The following USO1 variants were observed in gnomAD, a reference collection of about 807,000 sequenced individuals.
The protein encoded by USO1 is USO1 vesicle transport factor.
USO1 carries 57 observed loss-of-function variants against 124.5 expected under a neutral mutation model. The observed-to-expected ratio is 0.46, with a 90% CI of 0.37 to 0.57. The LOEUF is 0.57. Ranked by LOEUF, USO1 falls within the 20% of genes least tolerant of loss-of-function variation. The pLI is 0.00. For synonymous variants in USO1, 369 were observed against 362.8 expected, an observed-to-expected ratio of 1.02 and a Z score of -0.19; for missense variants, 900 against 1,040.6, an observed-to-expected ratio of 0.86 and a Z score of 1.86.
At chr4:75,779,407 C>T (rs1000644774) in intron 8 of USO1, among the ~76,000 whole-genome samples, 11 of 152,178 alleles carry the variant, frequency 7.2e-5, no homozygotes, top group African/African-American at 2.7e-4. Context: ...AGGCCAAAAG[C>T]TAGGCCCAAT....
intron 3 of USO1, among the ~76,000 whole-genome samples, 200 bp from the exon 4 acceptor site, chr4:75,757,297 T>G (rs1721475657): frequency 6.6e-6 from 1 of 152,158 alleles, no homozygotes; most frequent in Non-Finnish European, 1.5e-5. Flanking sequence ...TGTGTTTTTT[T>G]ATTATTGAGC....
chr4:75,746,738 A>G (rs1366524816), intron 1 of USO1, among the ~76,000 whole-genome samples: 2 of 152,352 alleles, frequency 1.3e-5, no homozygotes, highest in Admixed American at 6.5e-5. Context: ...CAAGGTAGCA[A>G]AAGTATAAGT....
chr4:75,731,561 C>CAAGAAA (rs1720632362), intron 1 of USO1, among the ~76,000 whole-genome samples: 1 of 138,184 alleles, frequency 7.2e-6, no homozygotes. Flanking sequence ...GACTCCGTCT[C>CAAGAAA]AAAAAAAAAA....
At chr4:75,778,115 G>A (rs1333340976) in intron 8 of USO1, among the ~76,000 whole-genome samples, 1 of 152,114 alleles carries the variant, frequency 6.6e-6, no homozygotes, top group Non-Finnish European at 1.5e-5. Context: ...TCCAACTATA[G>A]TTGACCTTTG....
At chr4:75,750,735 G>A (rs1374316674) in intron 1 of USO1, among the ~76,000 whole-genome samples, 3 of 74,760 alleles carry the variant, frequency 4.0e-5, no homozygotes, top group Non-Finnish European at 6.7e-5. Flanking sequence ...CACCCACCTC[G>A]ACCTCCCAAA....
Position 75,813,352 on chromosome 4 carries a change from A to G in USO1, c.*57A>G. The G allele has an allele frequency of 6.9e-7, 1 of 1,459,196 alleles. No individual in the cohort carries two copies. Among genetic ancestry groups the G allele is most frequent in the Non-Finnish European group, 9.1e-7 (1 of 1,103,906 alleles). 90.4% of individuals were successfully genotyped at this position (1,459,196 alleles called of 1,614,324 possible). On this transcript the variant is annotated 3_prime_UTR_variant, in exon 24 of 24. Coordinates refer to ENST00000514213, the MANE Select transcript of USO1 (RefSeq NM_003715.4). Reference sequence around the variant, plus strand: ...ATCATAACTCTGAAGATGGACTCTAAACTTTGGTTTACCTCCATGGAAAAT... The same window carrying G: ...ATCATAACTCTGAAGATGGACTCTAGACTTTGGTTTACCTCCATGGAAAAT...
chr4:75,771,243 G>C, intron 7 of USO1, 106 bp downstream of exon 7: 1 of 1,277,666 alleles, frequency 7.8e-7, no homozygotes. Context: ...GAAAGCTGGA[G>C]TAATGACCTT....
intron 1 of USO1, among the ~76,000 whole-genome samples, chr4:75,747,970 C>T (rs1416136125): frequency 3.0e-5 from 4 of 133,316 alleles, no homozygotes; most frequent in Non-Finnish European, 6.1e-5. Context: ...TGCAATGGTG[C>T]GATCTCGGCT....
intron 3 of USO1, chr4:75,755,488 A>T (rs751622466): frequency 1.9e-6 from 1 of 520,000 alleles, no homozygotes; most frequent in Non-Finnish European, 3.8e-6. Context: ...AAAGCTAAAG[A>T]TACAAGCTTT....
chr4:75,798,989 C>T (rs1722766581), intron 13 of USO1, among the ~76,000 whole-genome samples: 1 of 152,072 alleles, frequency 6.6e-6, no homozygotes, highest in Admixed American at 6.5e-5. Flanking sequence ...ATTAACTATA[C>T]TTGGCAGCTG....
chr4:75,813,367 C>G lies in USO1; in HGVS notation c.*72C>G, dbSNP rs1447407173. On this transcript the variant is annotated 3_prime_UTR_variant, in exon 24 of 24. Transcript: ENST00000514213. Reference sequence around the variant, plus strand: ...ATGGACTCTAAACTTTGGTTTACCTCCATGGAAAATAAAGATTTAGAAACC... The same window carrying G: ...ATGGACTCTAAACTTTGGTTTACCTGCATGGAAAATAAAGATTTAGAAACC... 1 of 1,408,558 alleles carries G rather than the reference C, an allele frequency of 7.1e-7. No homozygotes were observed. The highest frequency in any genetic ancestry group is 1.5e-5 in the African/African-American group (1 of 68,190). 87.3% of individuals were successfully genotyped at this position (1,408,558 alleles called of 1,614,324 possible).
At chr4:75,745,267 T>C in intron 1 of USO1, 1 of 496,824 alleles carries the variant, frequency 2.0e-6, no homozygotes, top group South Asian at 1.5e-5. Context: ...ATTATAACTT[T>C]CCCAAATTGA....
chr4:75,794,043 T>C, intron 13 of USO1, 142 bp downstream of exon 13: 6 of 1,336,864 alleles, frequency 4.5e-6, no homozygotes, highest in Non-Finnish European at 6.0e-6. Context: ...AGAAACAGTT[T>C]TGTGGAGAAA....
intron 4 of USO1, among the ~76,000 whole-genome samples, chr4:75,769,771 G>C (rs1721870047): frequency 6.8e-6 from 1 of 146,362 alleles, no homozygotes; most frequent in African/African-American, 2.5e-5. Flanking sequence ...AGTACATTGA[G>C]ACAACAAATA....
chr4:75,806,992 G>C (rs1373021571), intron 20 of USO1, among the ~76,000 whole-genome samples: 1 of 151,896 alleles, frequency 6.6e-6, no homozygotes, highest in Non-Finnish European at 1.5e-5. Flanking sequence ...AGAGAAGAAA[G>C]GTAAACTTAC....
At chr4:75,757,086 G>A (rs1353770817) in intron 3 of USO1, among the ~76,000 whole-genome samples, 4 of 136,570 alleles carry the variant, frequency 2.9e-5, no homozygotes, top group Non-Finnish European at 6.2e-5. Context: ...AGATACAAAC[G>A]TATACATATA....
chr4:75,727,202 T>C lies in USO1; in HGVS notation c.66+2317T>C, dbSNP rs558755404. 3.9e-4 allele frequency among the ~76,000 whole-genome samples: 60 copies of C among 152,220 alleles called. 1 individual carries two copies. The highest frequency in any genetic ancestry group is 6.5e-4 in the Non-Finnish European group (44 of 68,028). The stretch of plus-strand genomic sequence containing the variant: ...TCCCAGATAGAGCCTCTTCATTTTA[T>C]AGTCACAGAGCACTAAAGTAGCTTG... On this transcript the variant is annotated intron_variant, in intron 1 of 23. Transcript: ENST00000514213.
At chr4:75,812,731 A>G (rs1174909744) in intron 23 of USO1, among the ~76,000 whole-genome samples, 1 of 152,244 alleles carries the variant, frequency 6.6e-6, no homozygotes, top group Non-Finnish European at 1.5e-5. Context: ...AAGTTAACTG[A>G]TATATCTCAT....
rs900489881 is a variant in USO1 at position 75,724,711 on chromosome 4, G to A, written c.-109G>A. The stretch of plus-strand genomic sequence containing the variant: ...CGAGTTGGAGGCGGTGGTGGCAGCA[G>A]TAGGAGTGTGTAGAGTGCGGGATTG... On this transcript the variant is annotated 5_prime_UTR_variant, in exon 1 of 24. Coordinates refer to ENST00000514213, the MANE Select transcript of USO1 (RefSeq NM_003715.4). 2.7e-6 allele frequency: 3 copies of A among 1,127,638 alleles called. No homozygotes were observed. Among genetic ancestry groups the A allele is most frequent in the African/African-American group, 1.6e-5 (1 of 63,890 alleles). The allele number at this position is 1,127,638 out of a possible 1,614,324, so 69.9% of individuals were successfully genotyped here. A position where few individuals can be genotyped will look rare whatever the true frequency, so the allele number is the denominator to read the frequency against.
Sources: allele counts gnomAD v4.1 joint callset (sites outside exome capture counted in the v4.1 genomes callset), GRCh38; gene constraint gnomAD v4.1.1; transcripts MANE v1.5; gene names NCBI Gene and HGNC (gene_info 2026-07-23, HGNC 2026-07-21).